RGSL1: variants seen among roughly 807,000 people sequenced by gnomAD.
RGSL1 encodes the protein regulator of G protein signaling protein-like.
In RGSL1, 97 loss-of-function variants were observed where a neutral mutation model predicts 124.7. The observed-to-expected ratio is 0.78, with a 90% CI of 0.66 to 0.92. The LOEUF (loss-of-function observed/expected upper bound fraction) is 0.92. RGSL1 is among the 40% of genes least tolerant of loss of function. The pLI is 0.00. For synonymous variants in RGSL1, 424 were observed against 438.1 expected, an observed-to-expected ratio of 0.97 and a Z score of 0.40; for missense variants, 1,233 against 1,288.4, an observed-to-expected ratio of 0.96 and a Z score of 0.66.
chr1:182,540,615 G>A (rs1188412812), intron 15 of RGSL1, among the ~76,000 whole-genome samples, 194 bp downstream of exon 15: 1 of 152,048 alleles, frequency 6.6e-6, no homozygotes, highest in African/African-American at 2.4e-5. Flanking sequence ...GGTGCTAAAA[G>A]CTCTTCAGTA....
At chr1:182,475,183 C>A (rs923804655) in intron 6 of RGSL1, among the ~76,000 whole-genome samples, 3 of 152,150 alleles carry the variant, frequency 2.0e-5, no homozygotes, top group African/African-American at 7.2e-5. Flanking sequence ...TTTTAAATTT[C>A]TGTTATAAAC....
At chr1:182,515,638 T>C (rs932952192) in intron 9 of RGSL1, among the ~76,000 whole-genome samples, 8 of 152,016 alleles carry the variant, frequency 5.3e-5, no homozygotes, top group African/African-American at 1.5e-4. Context: ...TTTCCGCCAG[T>C]TTAGACCAGT....
At chr1:182,450,451 A>C (rs1651722215) in intron 1 of RGSL1, 2 of 532,466 alleles carry the variant, frequency 3.8e-6, no homozygotes, top group Non-Finnish European at 3.4e-6. Context: ...TCTCCTCCAG[A>C]GAGAAGACTG....
At chr1:182,534,003 A>G (rs1327375514) in intron 14 of RGSL1, among the ~76,000 whole-genome samples, 2 of 152,238 alleles carry the variant, frequency 1.3e-5, no homozygotes, top group Non-Finnish European at 2.9e-5. Flanking sequence ...ACTAGAGATT[A>G]ATGAGATGGG....
chr1:182,449,531 A>G (rs951347055), upstream of RGSL1, among the ~76,000 whole-genome samples: 24 of 152,194 alleles, frequency 1.6e-4, no homozygotes, highest in African/African-American at 5.6e-4. Context: ...TTTACTTCCT[A>G]TTAGGGAAGA....
intron 9 of RGSL1, among the ~76,000 whole-genome samples, chr1:182,498,800 G>GTTTTT (rs56852866): frequency 7.4e-5 from 11 of 148,282 alleles, no homozygotes; most frequent in African/African-American, 2.7e-4. Context: ...TTGTTTGTTT[G>GTTTTT]TTTTTTTTTG....
At chr1:182,513,276 C>T (rs755652122) in intron 9 of RGSL1, among the ~76,000 whole-genome samples, 5 of 152,182 alleles carry the variant, frequency 3.3e-5, no homozygotes, top group Non-Finnish European at 5.9e-5. Context: ...CAGATTCCTC[C>T]CCAATCTACC....
chr1:182,525,190 A>G (rs1658652111), intron 10 of RGSL1, among the ~76,000 whole-genome samples: 1 of 152,158 alleles, frequency 6.6e-6, no homozygotes, highest in Admixed American at 6.5e-5. Flanking sequence ...CAGGGTTGTG[A>G]TAATATATTA....
rs754464347 is a variant in RGSL1, at chr1:182,530,879, A to G, written c.2333A>G (p.Lys778Arg). ...CAAATTTCGTCTAGGAAGCCCTCAA[A>G]GATAGTGTCAACTTACCTACAGGAA... ...EVQISSRKPSKIVSTYLQESQ... is the reference protein window; with the variant it reads ...EVQISSRKPSRIVSTYLQESQ... Residue 778 changes from lysine (K) to arginine (R), a missense_variant, in exon 13 of 22, where the codon AAG becomes AGG. Transcript: ENST00000294854. The G allele has an allele frequency of 2.4e-5, 37 of 1,549,894 alleles. No homozygotes were observed. The highest frequency in any genetic ancestry group is 3.0e-5 in the Non-Finnish European group (34 of 1,146,074).
At chr1:182,519,180 T>C (rs1658144523) in intron 9 of RGSL1, among the ~76,000 whole-genome samples, 1 of 152,192 alleles carries the variant, frequency 6.6e-6, no homozygotes, top group African/African-American at 2.4e-5. Flanking sequence ...AATATTTATT[T>C]AGGTTAACTC....
intron 14 of RGSL1, among the ~76,000 whole-genome samples, chr1:182,535,483 G>C (rs985980525): frequency 9.9e-5 from 15 of 152,264 alleles, no homozygotes; most frequent in Middle Eastern, 3.4e-3. Flanking sequence ...TGGTCACTGA[G>C]TAGGCTGCCT....
intron 6 of RGSL1, among the ~76,000 whole-genome samples, chr1:182,486,076 G>A (rs946824052): frequency 3.9e-5 from 6 of 152,176 alleles, no homozygotes; most frequent in South Asian, 2.1e-4. Flanking sequence ...AGAAGGGGCC[G>A]GGAGGGTTTG....
chr1:182,527,660 A>G lies in RGSL1; in HGVS notation c.2013A>G (p.Pro671=). The change falls in exon 11 of 22, where the codon CCA becomes CCG. Residue 671 remains proline, a synonymous_variant. Transcript: ENST00000294854. Reference sequence around the variant, plus strand: ...TCAAGGAACGGAAGGCTAAAATCCCATTGCAATTTCTCACAGCTGTACAGA... The same window carrying G: ...TCAAGGAACGGAAGGCTAAAATCCCGTTGCAATTTCTCACAGCTGTACAGA... ...EFLKERKAKI[P]LQFLTAVQKI... 1.9e-6 allele frequency: 3 copies of G among 1,551,674 alleles called. No homozygotes were observed. Among genetic ancestry groups the G allele is most frequent in the African/African-American group, 1.4e-5 (1 of 73,164 alleles).
chr1:182,493,886 C>A (rs765946868), intron 9 of RGSL1, among the ~76,000 whole-genome samples: 8 of 152,198 alleles, frequency 5.3e-5, no homozygotes, highest in Non-Finnish European at 1.2e-4. Context: ...ATAGAAATTT[C>A]ACCTCATCTT....
chr1:182,474,748 C>G (rs1558265618), intron 6 of RGSL1, among the ~76,000 whole-genome samples: 1 of 152,160 alleles, frequency 6.6e-6, no homozygotes, highest in Non-Finnish European at 1.5e-5. Context: ...CTGTTAGGAA[C>G]TGGGCCGCAC....
At chr1:182,487,762 A>G (rs1655200004) in intron 6 of RGSL1, among the ~76,000 whole-genome samples, 1 of 152,218 alleles carries the variant, frequency 6.6e-6, no homozygotes, top group Admixed American at 6.5e-5. Flanking sequence ...TTCATAAAGC[A>G]TTTGTCAAAT....
chr1:182,461,571 T>C (rs994950678), intron 4 of RGSL1, among the ~76,000 whole-genome samples: 4 of 151,446 alleles, frequency 2.6e-5, no homozygotes, highest in Non-Finnish European at 5.9e-5. Context: ...TTAAAACAAC[T>C]GCCTTAAATA....
intron 9 of RGSL1, among the ~76,000 whole-genome samples, chr1:182,517,680 AAGTTC>A (rs1237074979): frequency 1.2e-4 from 18 of 152,146 alleles, no homozygotes; most frequent in African/African-American, 4.3e-4. Context: ...ATGAATTTTT[AAGTTC>A]AGCAAATGTA....
At chr1:182,525,417 C>A (rs2102249452) in intron 10 of RGSL1, among the ~76,000 whole-genome samples, 1 of 151,918 alleles carries the variant, frequency 6.6e-6, no homozygotes, top group East Asian at 1.9e-4. Context: ...TAATGATTAA[C>A]CAAATATAGA....
Sources: allele counts gnomAD v4.1 joint callset (sites outside exome capture counted in the v4.1 genomes callset), GRCh38; gene constraint gnomAD v4.1.1; transcripts MANE v1.5; gene names NCBI Gene and HGNC (gene_info 2026-07-23, HGNC 2026-07-21).